CDH20: variants seen among roughly 807,000 people sequenced by gnomAD.
CDH20 encodes the protein cadherin 20, also known as cadherin-20.
Under a neutral mutation model 74.2 loss-of-function variants are expected in CDH20, and 29 were observed. That is an observed-to-expected ratio of 0.39 (90% CI 0.29 to 0.53). The LOEUF is 0.53. Among genes scored for constraint, CDH20 ranks in the 20% least tolerant of loss-of-function variants. The pLI is 0.69. For missense variants in CDH20, 988 were observed against 1,048.3 expected (o/e 0.94, Z 0.79); for synonymous variants, 469 against 405.4 (o/e 1.16, Z -1.88).
chr18:61,456,358 C>CT (rs1381398746), intron 1 of CDH20, among the ~76,000 whole-genome samples: 2 of 152,092 alleles, frequency 1.3e-5, no homozygotes, highest in Admixed American at 6.6e-5. Context: ...AGGATTGTCT[C>CT]TTTTTTTGTC....
At chr18:61,483,435 A>C (rs1354653185) in intron 1 of CDH20, among the ~76,000 whole-genome samples, 1 of 152,206 alleles carries the variant, frequency 6.6e-6, no homozygotes. Context: ...GAGGAAACAA[A>C]ACATTTTTGT....
intron 1 of CDH20, among the ~76,000 whole-genome samples, chr18:61,345,965 C>G (rs572291867): frequency 6.6e-6 from 1 of 152,276 alleles, no homozygotes; most frequent in South Asian, 2.1e-4. Flanking sequence ...GAAGAATATT[C>G]CAGGCAAGTG....
intron 6 of CDH20, among the ~76,000 whole-genome samples, chr18:61,517,692 TTTTTTG>T (rs1490014809): frequency 2.9e-3 from 2 of 692 alleles, no homozygotes; most frequent in African/African-American, 6.0e-3. Flanking sequence ...AGCTGCAGTT[TTTTTTG>T]TTGTTGTTGT....
At chr18:61,512,972 A>G (rs1157654666) in intron 6 of CDH20, among the ~76,000 whole-genome samples, 4 of 152,068 alleles carry the variant, frequency 2.6e-5, no homozygotes, top group Non-Finnish European at 5.9e-5. Flanking sequence ...AAAAAAATGT[A>G]TATTCTGTTG....
chr18:61,389,233 C>T (rs1471628006), intron 1 of CDH20, among the ~76,000 whole-genome samples: 1 of 152,140 alleles, frequency 6.6e-6, no homozygotes, highest in Non-Finnish European at 1.5e-5. Context: ...GGATTGAAAA[C>T]CACTGATTTA....
At chr18:61,520,838 A>G (rs998360486) in intron 6 of CDH20, among the ~76,000 whole-genome samples, 1 of 151,278 alleles carries the variant, frequency 6.6e-6, no homozygotes, top group Non-Finnish European at 1.5e-5. Context: ...CTGAATGACT[A>G]CTGGGTAAAT....
At chr18:61,364,091 T>C (rs1449159064) in intron 1 of CDH20, among the ~76,000 whole-genome samples, 1 of 152,116 alleles carries the variant, frequency 6.6e-6, no homozygotes, top group Non-Finnish European at 1.5e-5. Context: ...TTATTATAAC[T>C]CCCTGGATTA....
chr18:61,369,945 G>A (rs997420321), intron 1 of CDH20, among the ~76,000 whole-genome samples: 4 of 152,086 alleles, frequency 2.6e-5, no homozygotes, highest in African/African-American at 4.8e-5. Context: ...AGAGGATCAC[G>A]AAAAATAACT....
intron 1 of CDH20, among the ~76,000 whole-genome samples, chr18:61,456,094 G>A (rs972804159): frequency 2.0e-5 from 3 of 152,164 alleles, no homozygotes; most frequent in African/African-American, 7.2e-5. Flanking sequence ...CGTTTGGGGT[G>A]GCCCCATTCC....
chr18:61,514,329 G>A (rs1314974968), intron 6 of CDH20, among the ~76,000 whole-genome samples: 2 of 152,122 alleles, frequency 1.3e-5, no homozygotes, highest in Non-Finnish European at 2.9e-5. Flanking sequence ...CGTAGTTCAC[G>A]AGCCTTGGTT....
intron 10 of CDH20, among the ~76,000 whole-genome samples, chr18:61,547,321 C>T (rs1336667835): frequency 6.6e-6 from 1 of 152,076 alleles, no homozygotes; most frequent in Non-Finnish European, 1.5e-5. Flanking sequence ...GAGTAAGATC[C>T]TGTCTCTAAA....
chr18:61,355,904 A>G (rs949152903), intron 1 of CDH20, among the ~76,000 whole-genome samples: 1 of 152,246 alleles, frequency 6.6e-6, no homozygotes, highest in Non-Finnish European at 1.5e-5. Flanking sequence ...ATAAAAGTAT[A>G]CTATTAAACT....
chr18:61,446,342 T>G (rs570356849), intron 1 of CDH20, among the ~76,000 whole-genome samples: 187 of 152,228 alleles, frequency 1.2e-3, no homozygotes, highest in Admixed American at 2.2e-3. Context: ...ACACAAGATT[T>G]TCACTCTGGA....
At chr18:61,452,767 G>C in intron 1 of CDH20, among the ~76,000 whole-genome samples, 1 of 152,100 alleles carries the variant, frequency 6.6e-6, no homozygotes, top group Admixed American at 6.6e-5. Context: ...GAAGCAATGA[G>C]CCAAGTTCTG....
chr18:61,508,033 G>C (rs562558268), intron 6 of CDH20, among the ~76,000 whole-genome samples: 14 of 152,140 alleles, frequency 9.2e-5, no homozygotes, highest in African/African-American at 2.6e-4. Flanking sequence ...ACTTGAAAAA[G>C]CTTTATCAAA....
chr18:61,489,267 G>A (rs1472595065), intron 1 of CDH20, among the ~76,000 whole-genome samples: 1 of 152,154 alleles, frequency 6.6e-6, no homozygotes, highest in Non-Finnish European at 1.5e-5. Flanking sequence ...ATGACAGGTG[G>A]AAGGTAGTAA....
chr18:61,395,517 T>A (rs929718291), intron 1 of CDH20, among the ~76,000 whole-genome samples: 28 of 152,062 alleles, frequency 1.8e-4, no homozygotes, highest in Non-Finnish European at 8.8e-5. Context: ...TCTCCTTACC[T>A]CCAAAGACCT....
At chr18:61,392,821 C>T (rs1911840230) in intron 1 of CDH20, among the ~76,000 whole-genome samples, 1 of 149,580 alleles carries the variant, frequency 6.7e-6, no homozygotes, top group African/African-American at 2.5e-5. Context: ...TAATTCATCA[C>T]AAATTTTGAA....
At chr18:61,401,357 G>A (rs1912148819) in intron 1 of CDH20, among the ~76,000 whole-genome samples, 1 of 152,194 alleles carries the variant, frequency 6.6e-6, no homozygotes, top group African/African-American at 2.4e-5. Flanking sequence ...ATTGCGTTAT[G>A]TTACAGGCAC....
Sources: allele counts gnomAD v4.1 joint callset (sites outside exome capture counted in the v4.1 genomes callset), GRCh38; gene constraint gnomAD v4.1.1; transcripts MANE v1.5; gene names NCBI Gene and HGNC (gene_info 2026-07-23, HGNC 2026-07-21).